ELK3: variants seen among roughly 807,000 people sequenced by gnomAD.
ELK3 encodes the protein ETS domain-containing protein Elk-3.
ELK3 carries 10 observed loss-of-function variants against 28.9 expected under a neutral mutation model. That is an observed-to-expected ratio of 0.35 (90% CI 0.21 to 0.59). The LOEUF (loss-of-function observed/expected upper bound fraction) is 0.59, where lower values mean the gene tolerates loss of function less well. Among genes scored for constraint, ELK3 ranks in the 20% least tolerant of loss-of-function variants. The probability of loss-of-function intolerance (pLI) is 0.82; values close to 1 mark genes in which losing one functional copy is unlikely to be tolerated. For synonymous variants in ELK3, 272 were observed against 243.5 expected (o/e 1.12, Z -1.09); for missense variants, 463 against 517.3 (o/e 0.90, Z 1.02).
At chr12:96,223,468 G>A in intron 1 of ELK3, 97 bp from the exon 2 acceptor site, 1 of 1,144,796 alleles carries the variant, frequency 8.7e-7, no homozygotes. Flanking sequence ...GGGAAGGAGG[G>A]GACAGCTGAG....
chr12:96,249,024 C>CA (rs1188017464), intron 3 of ELK3, among the ~76,000 whole-genome samples: 1 of 152,318 alleles, frequency 6.6e-6, no homozygotes, highest in East Asian at 1.9e-4. Context: ...CAGAAAGTTT[C>CA]AGATTCTGGA....
chr12:96,222,135 T>C (rs760412244), intron 1 of ELK3, among the ~76,000 whole-genome samples: 2 of 152,186 alleles, frequency 1.3e-5, no homozygotes, highest in Non-Finnish European at 2.9e-5. Context: ...TTTTTTTAAA[T>C]GTAATGAGGA....
At chr12:96,248,076 C>T (rs1299216147) in intron 3 of ELK3, among the ~76,000 whole-genome samples, 3 of 152,054 alleles carry the variant, frequency 2.0e-5, no homozygotes, top group Admixed American at 6.6e-5. Context: ...TTTCGGGAGG[C>T]GCTTGGGCTT....
intron 1 of ELK3, among the ~76,000 whole-genome samples, chr12:96,217,766 T>G (rs1951629308): frequency 6.6e-6 from 1 of 151,796 alleles, no homozygotes. Flanking sequence ...TGAAACCCTG[T>G]CTCCACTAAA....
Position 96,247,148 on chromosome 12 carries a change from A to C in ELK3, c.416A>C (p.His139Pro), listed in dbSNP as rs767724593. 8.1e-6 allele frequency: 13 copies of C among 1,613,748 alleles called. No homozygotes were observed. The highest frequency in any genetic ancestry group is 1.0e-5 in the Non-Finnish European group (12 of 1,179,940). Residue 139 changes from histidine (H) to proline (P), a missense_variant, in exon 3 of 5, where the codon CAC becomes CCC. Physicochemically the swap from His to Pro is moderately conservative, Grantham distance 77. Coordinates refer to ENST00000228741, the MANE Select transcript of ELK3 (RefSeq NM_005230.4). This position sits in a 1 kb window ranked among gnomAD's most constrained non-coding sequence, Gnocchi z 5.5. ...AGCACGAGCCGCAACGAATACATCC[A>C]CTCAGGCCTGTACTCGTCCTTCACC... ...LRSTSRNEYI[H>P]SGLYSSFTIN...
At chr12:96,230,541 G>A (rs1283839366) in intron 2 of ELK3, among the ~76,000 whole-genome samples, 1 of 152,186 alleles carries the variant, frequency 6.6e-6, no homozygotes, top group African/African-American at 2.4e-5. Flanking sequence ...CGTGACAGGT[G>A]TGACACTAGA....
chr12:96,248,174 A>G (rs1443975940), intron 3 of ELK3, among the ~76,000 whole-genome samples: 2 of 152,186 alleles, frequency 1.3e-5, no homozygotes, highest in Admixed American at 1.3e-4. Flanking sequence ...ATGTCAACTG[A>G]TGCCGCCATC....
chr12:96,239,507 G>A (rs970065171), intron 2 of ELK3, among the ~76,000 whole-genome samples: 1 of 152,202 alleles, frequency 6.6e-6, no homozygotes, highest in African/African-American at 2.4e-5. Flanking sequence ...TGGGATAACA[G>A]TGCCCATCCT....
At chr12:96,227,301 T>G (rs1951709691) in intron 2 of ELK3, among the ~76,000 whole-genome samples, 1 of 152,048 alleles carries the variant, frequency 6.6e-6, no homozygotes, top group Non-Finnish European at 1.5e-5. Flanking sequence ...AGTGCAGAAA[T>G]CAGGTAGCTG....
intron 2 of ELK3, among the ~76,000 whole-genome samples, chr12:96,237,005 A>G (rs1056712681): frequency 1.3e-5 from 2 of 152,104 alleles, no homozygotes; most frequent in Admixed American, 1.3e-4. Context: ...TCCACGTCCC[A>G]TGACCACCTT....
intron 2 of ELK3, among the ~76,000 whole-genome samples, chr12:96,239,622 C>T (rs921703017): frequency 3.3e-5 from 5 of 152,184 alleles, no homozygotes; most frequent in African/African-American, 4.8e-5. Context: ...GTATCTACCA[C>T]GATAAAATGA....
chr12:96,226,042 G>A (rs946613536), intron 2 of ELK3, among the ~76,000 whole-genome samples: 2 of 152,128 alleles, frequency 1.3e-5, no homozygotes, highest in African/African-American at 2.4e-5. Flanking sequence ...TGAGGTGGGA[G>A]GATCATTTGA....
intron 1 of ELK3, among the ~76,000 whole-genome samples, chr12:96,217,653 C>G: frequency 6.6e-6 from 1 of 152,040 alleles, no homozygotes; most frequent in East Asian, 1.9e-4. Flanking sequence ...ACCAATTCCT[C>G]AGCTGGGCAC....
At chr12:96,234,014 G>A (rs1214582456) in intron 2 of ELK3, among the ~76,000 whole-genome samples, 1 of 152,204 alleles carries the variant, frequency 6.6e-6, no homozygotes, top group African/African-American at 2.4e-5. Flanking sequence ...CACAAGCTTG[G>A]GTCCTGGAAG....
At chr12:96,262,883 G>T (rs1192479768) in intron 4 of ELK3, among the ~76,000 whole-genome samples, 2 of 151,598 alleles carry the variant, frequency 1.3e-5, no homozygotes, top group Admixed American at 1.3e-4. Flanking sequence ...TGAACTCCTG[G>T]GTTCAAGTAG....
At chr12:96,205,239 C>T (rs960879954) in intron 1 of ELK3, among the ~76,000 whole-genome samples, 3 of 152,164 alleles carry the variant, frequency 2.0e-5, no homozygotes, top group African/African-American at 7.2e-5. Flanking sequence ...GCATAGATTC[C>T]TGATCACCTC....
chr12:96,246,929 T>C lies in ELK3; in HGVS notation c.208-11T>C. 1.3e-6 allele frequency: 2 copies of C among 1,575,858 alleles called. No individual in the cohort carries two copies. Among genetic ancestry groups the C allele is most frequent in the African/African-American group, 1.4e-5 (1 of 73,622 alleles). On this transcript the variant is annotated splice_polypyrimidine_tract_variant and intron_variant, in intron 2 of 4. Coordinates refer to ENST00000228741, the MANE Select transcript of ELK3 (RefSeq NM_005230.4). Reference sequence around the variant, plus strand: ...CACTCAGATTTTCAACGTCTACTTTTGTATTTGCAGAACATCATCAAGAAG... The same window carrying C: ...CACTCAGATTTTCAACGTCTACTTTCGTATTTGCAGAACATCATCAAGAAG...
chr12:96,194,817 GC>G (rs1951449924), intron 1 of ELK3, 112 bp downstream of exon 1: 1 of 142,576 alleles, frequency 7.0e-6, no homozygotes, highest in African/African-American at 2.5e-5. Context: ...GGGGGGCGCC[GC>G]GGGGTGGGCT....
intron 4 of ELK3, among the ~76,000 whole-genome samples, chr12:96,260,330 G>T (rs1242169998): frequency 6.6e-6 from 1 of 151,942 alleles, no homozygotes; most frequent in African/African-American, 2.4e-5. Flanking sequence ...GTCCACAAAA[G>T]ACTTTAAAAT....
Sources: gnomAD v4.1 joint callset for allele counts (sites outside exome capture counted in the v4.1 genomes callset) on GRCh38, gnomAD v4.1.1 for gene constraint, Gnocchi (gnomAD v3.1) non-coding constraint, MANE v1.5 for transcripts, NCBI Gene and HGNC (gene_info 2026-07-23, HGNC 2026-07-21) for gene names.